Variants in FBN1 observed in about 807,000 individuals in gnomAD.
FBN1 encodes fibrillin-1.
A neutral mutation model predicts 365.1 loss-of-function variants in FBN1; 29 were observed. The observed-to-expected ratio is 0.08, with a 90% CI of 0.06 to 0.11. The LOEUF is 0.11. Ranked by LOEUF, FBN1 falls within the 10% of genes least tolerant of loss-of-function variation. FBN1 has a pLI of 1.00. For synonymous variants in FBN1, 1,210 were observed against 1,270.5 expected (o/e 0.95, Z 1.01); for missense variants, 2,476 against 3,703.2 (o/e 0.67, Z 8.60).
At chr15:48,457,897 G>A (rs1566901944) in intron 43 of FBN1, among the ~76,000 whole-genome samples, 1 of 152,150 alleles carries the variant, frequency 6.6e-6, no homozygotes, top group South Asian at 2.1e-4. Context: ...TTGACACTGG[G>A]ACTCAGTTAA....
intron 2 of FBN1, among the ~76,000 whole-genome samples, chr15:48,638,319 G>A (rs1890133963): frequency 6.6e-6 from 1 of 152,146 alleles, no homozygotes; most frequent in South Asian, 2.1e-4. Context: ...TAGCAATGGT[G>A]GGAGAAGATT....
intron 6 of FBN1, among the ~76,000 whole-genome samples, chr15:48,541,796 C>T (rs1051386927): frequency 1.3e-5 from 2 of 149,486 alleles, no homozygotes; most frequent in Non-Finnish European, 2.9e-5. Flanking sequence ...GCTTGTGTAA[C>T]GTCTGACTCA....
intron 6 of FBN1, among the ~76,000 whole-genome samples, chr15:48,586,835 C>G (rs1385464770): frequency 6.6e-6 from 1 of 152,114 alleles, no homozygotes; most frequent in African/African-American, 2.4e-5. Flanking sequence ...ATGCAGATGT[C>G]AAGTGACTTT....
chr15:48,505,121 T>A lies in FBN1; in HGVS notation c.1864A>T (p.Ile622Phe). The A allele has an allele frequency of 6.2e-7, 1 of 1,614,130 alleles. No homozygotes were observed. Among genetic ancestry groups the A allele is most frequent in the South Asian group, 1.1e-5 (1 of 91,078 alleles). ...TTGACGCAACGCCCATTCATGCAGA[T>A]CCCAGGGGTTTCACACTCGTTAATG... ...KDINECETPG[I>F]CMNGRCVNTD... The change falls in exon 16 of 66, where the codon ATC (isoleucine) becomes TTC (phenylalanine). Residue 622 changes from isoleucine to phenylalanine, a missense_variant. Ile to Phe is a conservative substitution (Grantham distance 21, BLOSUM62 0). Transcript: ENST00000316623.
intron 6 of FBN1, among the ~76,000 whole-genome samples, chr15:48,588,207 C>T (rs745984685): frequency 1.8e-4 from 27 of 152,044 alleles, no homozygotes; most frequent in Admixed American, 7.9e-4. Context: ...AAAGAGAATA[C>T]AATATATCTC....
At chr15:48,528,732 A>T (rs1419476715) in intron 8 of FBN1, among the ~76,000 whole-genome samples, 1 of 152,126 alleles carries the variant, frequency 6.6e-6, no homozygotes, top group Non-Finnish European at 1.5e-5. Context: ...GACTAGGCCA[A>T]ATTGTTACAT....
chr15:48,488,034 C>A, intron 27 of FBN1, 79 bp downstream of exon 27: 2 of 1,590,854 alleles, frequency 1.3e-6, no homozygotes, highest in Non-Finnish European at 1.7e-6. Flanking sequence ...GCAGGAAGAA[C>A]CTGGAACATA....
intron 6 of FBN1, among the ~76,000 whole-genome samples, chr15:48,574,085 T>C (rs1566929963): frequency 6.6e-6 from 1 of 152,194 alleles, no homozygotes; most frequent in East Asian, 1.9e-4. Flanking sequence ...CTAATTACCT[T>C]GTTAATTAAT....
At chr15:48,448,995 AAGTT>A in intron 45 of FBN1, 102 bp from the exon 46 acceptor site, 1 of 940,150 alleles carries the variant, frequency 1.1e-6, no homozygotes, top group Non-Finnish European at 1.7e-6. Context: ...GCTCTAAACT[AAGTT>A]AGTGAAACAG....
chr15:48,585,028 A>C (rs1400565011), intron 6 of FBN1, among the ~76,000 whole-genome samples: 1 of 152,254 alleles, frequency 6.6e-6, no homozygotes, highest in African/African-American at 2.4e-5. Flanking sequence ...TATCATTGGA[A>C]TCCCTAACAG....
chr15:48,494,123 T>C (rs372502449), intron 23 of FBN1, 81 bp downstream of exon 23: 5 of 1,109,912 alleles, frequency 4.5e-6, no homozygotes, highest in South Asian at 3.8e-5. Context: ...TGAAGTTATA[T>C]GACAGCTTTA....
chr15:48,639,241 G>A (rs1890155110), intron 2 of FBN1, among the ~76,000 whole-genome samples: 1 of 152,106 alleles, frequency 6.6e-6, no homozygotes, highest in Non-Finnish European at 1.5e-5. Context: ...GCATACCTCG[G>A]CTCTCACATC....
intron 57 of FBN1, chr15:48,428,142 C>A (rs2042994844): frequency 1.4e-6 from 1 of 689,956 alleles, no homozygotes; most frequent in East Asian, 2.7e-5. Flanking sequence ...GATTCAGGAT[C>A]CAATTAGCAA....
At chr15:48,414,790 A>G (rs945906175) in intron 64 of FBN1, among the ~76,000 whole-genome samples, 8 of 151,646 alleles carry the variant, frequency 5.3e-5, no homozygotes, top group Non-Finnish European at 1.0e-4. Flanking sequence ...CAGCTACTCC[A>G]GAGGCTGAGG....
At chr15:48,448,586 G>T (rs547901877) in intron 46 of FBN1, among the ~76,000 whole-genome samples, 182 bp downstream of exon 46, 20 of 152,108 alleles carry the variant, frequency 1.3e-4, no homozygotes, top group African/African-American at 3.6e-4. Context: ...AAAGGAAGAG[G>T]TTTATCATGT....
At chr15:48,536,024 C>A (rs73394230) in intron 7 of FBN1, among the ~76,000 whole-genome samples, 1 of 152,062 alleles carries the variant, frequency 6.6e-6, no homozygotes, top group African/African-American at 2.4e-5. Context: ...CCTTTATGAA[C>A]CCATTTGCCC....
chr15:48,536,419 C>A (rs1216523227), intron 7 of FBN1, among the ~76,000 whole-genome samples: 2 of 152,114 alleles, frequency 1.3e-5, no homozygotes, highest in African/African-American at 4.8e-5. Context: ...AGTTAAAAGT[C>A]TAGCTCTCTG....
rs371377334 is a variant in FBN1 at position 48,470,751 on chromosome 15, C to T, written c.4342G>A (p.Asp1448Asn). Residue 1448 changes from aspartate to asparagine, a missense_variant, in exon 36 of 66, where the codon GAT becomes AAT. By Grantham distance (23) the Asp-to-Asn change is conservative. Around this residue, in one of 5 missense-constraint regions of FBN1, gnomAD observed 1,780 missense variants for 2,840.8 expected, o/e 0.63. Coordinates refer to ENST00000316623, the MANE Select transcript of FBN1 (RefSeq NM_000138.5). ...SADGKACEDI[D>N]ECSLPNICVF... is the part of the protein sequence containing the mutation. The stretch of plus-strand genomic sequence containing the variant: ...CAGATGTTCGGAAGGGAGCACTCAT[C>T]AATATCTTGGGGGGAGGGAGAAAAA... 1.9e-5 allele frequency: 30 copies of T among 1,613,808 alleles called. No individual in the cohort carries two copies. In the African/African-American group the frequency reaches 2.7e-4, roughly 14 times the overall value.
chr15:48,452,829 T>C (rs539173967), intron 44 of FBN1, 145 bp from the exon 45 acceptor site: 1 of 921,234 alleles, frequency 1.1e-6, no homozygotes, highest in South Asian at 1.4e-5. Context: ...GCTTTATTTA[T>C]TGCCAGAATT....
Sources: allele counts gnomAD v4.1 joint callset (sites outside exome capture counted in the v4.1 genomes callset), GRCh38; gene constraint gnomAD v4.1.1; regional missense constraint gnomAD v4.1.1; transcripts MANE v1.5; gene names NCBI Gene and HGNC (gene_info 2026-07-23, HGNC 2026-07-21).